MRPS14: variants seen among roughly 807,000 people sequenced by gnomAD.
MRPS14 encodes mitochondrial ribosomal protein S14.
A neutral mutation model predicts 16.4 loss-of-function variants in MRPS14; 14 were observed. The ratio of observed to expected loss-of-function variants is 0.85; its 90% confidence interval spans 0.56 to 1.33. MRPS14 has a LOEUF of 1.33. Among genes scored for constraint, MRPS14 ranks in the 40% most tolerant of loss-of-function variants. The pLI, the probability that MRPS14 is intolerant of heterozygous loss-of-function variation, is 0.00. For synonymous variants in MRPS14, 54 were observed against 61.9 expected (o/e 0.87, Z 0.60); for missense variants, 162 against 176.8 (o/e 0.92, Z 0.48).
intron 2 of MRPS14, among the ~76,000 whole-genome samples, chr1:175,015,414 G>C (rs545220454): frequency 6.6e-6 from 1 of 152,192 alleles, no homozygotes; most frequent in Admixed American, 6.5e-5. Flanking sequence ...CATGTTTTTT[G>C]AATCACGAAA....
rs182371409 is a variant in MRPS14 at position 175,023,067 on chromosome 1, A to C, written c.45+297T>G. Among the ~76,000 whole-genome samples the C allele has an allele frequency of 3.8e-3, 584 of 152,128 alleles. 2 individuals carry two copies. The highest frequency in any genetic ancestry group is 8.1e-3 in the African/African-American group (338 of 41,492). The stretch of plus-strand genomic sequence containing the variant: ...TCCCTTGCACGGTTCTCATCTCTTA[A>C]CGTTACAAGTCTCTGAGAGCTCAAT... On this transcript the variant is annotated intron_variant, in intron 1 of 2. Transcript: ENST00000476371.
chr1:175,021,827 ACTTTCTC>A (rs1184847058), intron 1 of MRPS14, among the ~76,000 whole-genome samples: 1 of 152,114 alleles, frequency 6.6e-6, no homozygotes, highest in African/African-American at 2.4e-5. Context: ...TGATGACTTC[ACTTTCTC>A]CTTAATTATA....
chr1:175,018,190 G>A (rs1416719460), intron 2 of MRPS14, among the ~76,000 whole-genome samples: 1 of 152,054 alleles, frequency 6.6e-6, no homozygotes, highest in Non-Finnish European at 1.5e-5. Context: ...CAATTTACCA[G>A]TACTTTCTAA....
At chr1:175,019,470 A>T (rs1189609385) in intron 1 of MRPS14, among the ~76,000 whole-genome samples, 1 of 151,534 alleles carries the variant, frequency 6.6e-6, no homozygotes, top group Non-Finnish European at 1.5e-5. Flanking sequence ...TGTTTTTTGT[A>T]TTTTTAGTAG....
At chr1:175,015,159 G>A (rs1261524334) in intron 2 of MRPS14, among the ~76,000 whole-genome samples, 1 of 151,980 alleles carries the variant, frequency 6.6e-6, no homozygotes, top group Non-Finnish European at 1.5e-5. Context: ...ACGTTGCCCA[G>A]GCTGGTCTCA....
At chr1:175,018,344 A>C (rs1672918894) in intron 2 of MRPS14, 74 bp downstream of exon 2, 2 of 1,354,694 alleles carry the variant, frequency 1.5e-6, no homozygotes, top group Middle Eastern at 2.0e-4. Context: ...AAGTCACAAC[A>C]AACAGTATCA....
Position 175,013,241 on chromosome 1 carries a change from CTA to C in MRPS14, c.*1426_*1427del, listed in dbSNP as rs1185882592. On this transcript the variant is annotated 3_prime_UTR_variant, in exon 3 of 3. Coordinates refer to ENST00000476371, the MANE Select transcript of MRPS14 (RefSeq NM_022100.3). Reference sequence around the variant, plus strand: ...TCGGACTCTGCTATCCAGCTGCGTACTAGTCTTCATCAGATGACACAGGCATC... The same window carrying C: ...TCGGACTCTGCTATCCAGCTGCGTACGTCTTCATCAGATGACACAGGCATC... The C allele has an allele frequency of 6.6e-6, 1 of 152,208 alleles. No homozygotes were observed. Among genetic ancestry groups the C allele is most frequent in the Non-Finnish European group, 1.5e-5 (1 of 68,044 alleles). The allele number at this position is 152,208 out of a possible 1,614,324, so 9.4% of individuals were successfully genotyped here.
At chr1:175,020,972 G>T (rs1233572928) in intron 1 of MRPS14, among the ~76,000 whole-genome samples, 1 of 151,926 alleles carries the variant, frequency 6.6e-6, no homozygotes, top group Middle Eastern at 3.2e-3. Flanking sequence ...TCAATCCATG[G>T]TCTATCATCA....
At chr1:175,023,006 G>A (rs1022747938) in intron 1 of MRPS14, among the ~76,000 whole-genome samples, 2 of 152,034 alleles carry the variant, frequency 1.3e-5, no homozygotes, top group Non-Finnish European at 2.9e-5. Flanking sequence ...CACTCTCCTA[G>A]TTTTCCATCT....
At chr1:175,017,700 G>A (rs55788977) in intron 2 of MRPS14, among the ~76,000 whole-genome samples, 2 of 152,150 alleles carry the variant, frequency 1.3e-5, no homozygotes, top group African/African-American at 4.8e-5. Flanking sequence ...AGGCACTTCA[G>A]CACACAGAGG....
intron 1 of MRPS14, 149 bp from the exon 2 acceptor site, chr1:175,018,725 G>C: frequency 1.6e-6 from 1 of 628,882 alleles, no homozygotes; most frequent in African/African-American, 1.9e-5. Context: ...TAAGATAATA[G>C]ACTTCCTAAT....
intron 1 of MRPS14, among the ~76,000 whole-genome samples, chr1:175,019,855 T>C (rs372144020): frequency 2.8e-4 from 42 of 152,330 alleles, no homozygotes; most frequent in African/African-American, 1.0e-3. Context: ...TGATGGCTTC[T>C]GATAACTGAT....
At chr1:175,022,179 TG>T (rs1372467163) in intron 1 of MRPS14, among the ~76,000 whole-genome samples, 2 of 152,058 alleles carry the variant, frequency 1.3e-5, no homozygotes, top group East Asian at 1.9e-4. Flanking sequence ...AAATCTAGTA[TG>T]AAAAAAAAGA....
intron 1 of MRPS14, 125 bp from the exon 2 acceptor site, chr1:175,018,701 T>A: frequency 1.1e-6 from 1 of 869,590 alleles, no homozygotes; most frequent in Non-Finnish European, 1.7e-6. Context: ...TTGTTTTAGA[T>A]CAGTTTAATA....
chr1:175,018,641 C>T, intron 1 of MRPS14, 65 bp from the exon 2 acceptor site: 1 of 1,387,470 alleles, frequency 7.2e-7, no homozygotes, highest in Non-Finnish European at 9.7e-7. Context: ...GTTCCTCAAC[C>T]CTGCAATTCT....
At chr1:175,018,998 T>C (rs1322032391) in intron 1 of MRPS14, among the ~76,000 whole-genome samples, 1 of 152,172 alleles carries the variant, frequency 6.6e-6, no homozygotes. Context: ...TCTAGTTTCT[T>C]GTATATCCTT....
At chr1:175,017,441 T>C (rs1430085640) in intron 2 of MRPS14, among the ~76,000 whole-genome samples, 1 of 152,216 alleles carries the variant, frequency 6.6e-6, no homozygotes, top group Admixed American at 6.5e-5. Flanking sequence ...AGTTTTCTGC[T>C]CATCTGGCTT....
Position 175,014,742 on chromosome 1 carries a change from C to T in MRPS14, c.314G>A (p.Arg105Lys). Residue 105 changes from arginine (R) to lysine (K), a missense_variant, in exon 3 of 3, where the codon AGG becomes AAG. Physicochemically the swap from Arg to Lys is conservative, Grantham distance 26. Coordinates refer to ENST00000476371, the MANE Select transcript of MRPS14 (RefSeq NM_022100.3). ...SRPRGVKRRW[R>K]LSRIVFRHLA... ...GTGACGGAAGACTATACGACTAAGC[C>T]TCCAGCGCCGCTTCACACCACGCGG... The T allele has an allele frequency of 6.2e-7, 1 of 1,614,122 alleles. No homozygotes were observed. The highest frequency in any genetic ancestry group is 8.5e-7 in the Non-Finnish European group (1 of 1,180,024).
intron 1 of MRPS14, among the ~76,000 whole-genome samples, chr1:175,021,568 G>T (rs1672977903): frequency 6.6e-6 from 1 of 152,050 alleles, no homozygotes; most frequent in African/African-American, 2.4e-5. Context: ...TCAATCCATT[G>T]ATCCTACCAT....
Sources: allele counts gnomAD v4.1 joint callset (sites outside exome capture counted in the v4.1 genomes callset), GRCh38; gene constraint gnomAD v4.1.1; transcripts MANE v1.5; gene names NCBI Gene and HGNC (gene_info 2026-07-23, HGNC 2026-07-21).